Variants in GRM5 observed in about 807,000 individuals in gnomAD.
GRM5 encodes glutamate metabotropic receptor 5, also known as metabotropic glutamate receptor 5.
A neutral mutation model predicts 83.1 loss-of-function variants in GRM5; 19 were observed. That is an observed-to-expected ratio of 0.23 (90% CI 0.16 to 0.34). The LOEUF (loss-of-function observed/expected upper bound fraction) is 0.34. Ranked by LOEUF, GRM5 falls within the 10% of genes least tolerant of loss-of-function variation. GRM5 has a pLI of 1.00. For missense variants in GRM5, 1,160 were observed against 1,588.3 expected (o/e 0.73, Z 4.58); for synonymous variants, 675 against 633.6 (o/e 1.07, Z -0.98).
At chr11:88,690,940 G>A (rs1940766328) in intron 3 of GRM5, among the ~76,000 whole-genome samples, 1 of 152,184 alleles carries the variant, frequency 6.6e-6, no homozygotes, top group African/African-American at 2.4e-5. Context: ...AATAGGTAGA[G>A]TTTGGACAAG....
chr11:88,522,601 C>G lies in GRM5; in HGVS notation c.2726+2708G>C, dbSNP rs202036435. ...TCTCTCTCTCTCGCTCTCTCTCTCT[C>G]TCTGTGTGTGTGTGTGTGTGTGTGT... On this transcript the variant is annotated intron_variant, in intron 9 of 9. Coordinates refer to ENST00000305447, the MANE Select transcript of GRM5 (RefSeq NM_001143831.3). Among the ~76,000 whole-genome samples the G allele has an allele frequency of 1.1e-3, 107 of 93,596 alleles. 1 individual carries two copies. In the East Asian group the frequency reaches 0.029, roughly 25 times the overall value. The allele number at this position is 93,596 out of a possible 152,430, so 61.4% of individuals were successfully genotyped here.
chr11:89,063,333 G>A (rs1267380768), intron 1 of GRM5: 1 of 152,188 alleles, frequency 6.6e-6, no homozygotes, highest in African/African-American at 2.4e-5. Flanking sequence ...AAATGGAACA[G>A]ACTTGAATCT....
intron 3 of GRM5, among the ~76,000 whole-genome samples, chr11:88,791,748 C>T (rs1412300158): frequency 6.6e-6 from 1 of 152,014 alleles, no homozygotes; most frequent in Non-Finnish European, 1.5e-5. Context: ...TAAAAGCATA[C>T]AAGTTTGTGG....
chr11:89,040,485 G>C (rs1565347681), intron 2 of GRM5, among the ~76,000 whole-genome samples: 1 of 152,170 alleles, frequency 6.6e-6, no homozygotes, highest in Non-Finnish European at 1.5e-5. Context: ...CAAGGCAGGT[G>C]GGAGTTTGAG....
chr11:88,939,874 A>C (rs1268831526), intron 2 of GRM5, among the ~76,000 whole-genome samples: 1 of 151,864 alleles, frequency 6.6e-6, no homozygotes, highest in Admixed American at 6.6e-5. Flanking sequence ...AATGGCTAAA[A>C]GTACAGAAGT....
intron 3 of GRM5, among the ~76,000 whole-genome samples, chr11:88,720,796 CTGTGTGTG>C (rs748475378): frequency 7.1e-6 from 1 of 141,778 alleles, no homozygotes; most frequent in African/African-American, 2.6e-5. Flanking sequence ...AATCATTACT[CTGTGTGTG>C]TGTGTGTGTG....
At chr11:88,852,150 A>C (rs540588076) in intron 2 of GRM5, among the ~76,000 whole-genome samples, 1 of 152,168 alleles carries the variant, frequency 6.6e-6, no homozygotes, top group Non-Finnish European at 1.5e-5. Context: ...CAATACATTC[A>C]CTGTTAAACA....
At position 88,567,889 on chromosome 11, in the gene GRM5, A is replaced by G. The variant is rs1591354405; in HGVS notation, c.1794T>C (p.Thr598=). ...CLGLLATLFV[T]VVFIIYRDTP... The stretch of plus-strand genomic sequence containing the variant: ...TATCACGGTAAATGATGAAGACTAC[A>G]GTAACAAACAGGGTGGCCAGGAGGC... The change falls in exon 8 of 10, where the codon ACT becomes ACC. Residue 598 remains threonine, a synonymous_variant. Transcript: ENST00000305447. The surrounding 1 kb of genome is among the most constrained non-coding windows in gnomAD (Gnocchi z 7.3). 8 of 1,613,884 alleles carry G rather than the reference A, an allele frequency of 5.0e-6. No homozygotes were observed. Among genetic ancestry groups the G allele is most frequent in the East Asian group, 2.2e-5 (1 of 44,874 alleles).
In GRM5 at chr11:88,576,657, G is replaced by A. The variant is rs1943117516; in HGVS notation, c.1691-8665C>T. Among the ~76,000 whole-genome samples the A allele has an allele frequency of 1.3e-5, 2 of 152,036 alleles. 1 individual carries two copies. Among genetic ancestry groups the A allele is most frequent in the South Asian group, 4.1e-4 (2 of 4,826 alleles). ...TCTATAATTAGGGTTTTAATCTGGA[G>A]AAACCCTTGCAGAAGAATTCACAGA... is the stretch of plus-strand genomic sequence containing the variant. On this transcript the variant is annotated intron_variant, in intron 7 of 9. Transcript: ENST00000305447.
At chr11:88,953,476 A>T (rs1938522135) in intron 2 of GRM5, among the ~76,000 whole-genome samples, 1 of 152,212 alleles carries the variant, frequency 6.6e-6, no homozygotes, top group Non-Finnish European at 1.5e-5. Context: ...AAGAAGGTAC[A>T]CGAAGCAGAA....
intron 3 of GRM5, among the ~76,000 whole-genome samples, chr11:88,823,647 T>G (rs903267639): frequency 6.6e-6 from 1 of 152,158 alleles, no homozygotes; most frequent in African/African-American, 2.4e-5. Context: ...GCTGGTTTCA[T>G]GGGTCTCAGG....
At chr11:88,854,457 C>T (rs1307323337) in intron 2 of GRM5, among the ~76,000 whole-genome samples, 3 of 151,902 alleles carry the variant, frequency 2.0e-5, no homozygotes, top group East Asian at 3.9e-4. Context: ...ATAATTCAAC[C>T]TCAAATACTG....
At chr11:88,548,673 ATCT>A (rs1176325811) in intron 8 of GRM5, among the ~76,000 whole-genome samples, 2 of 152,180 alleles carry the variant, frequency 1.3e-5, no homozygotes, top group Non-Finnish European at 2.9e-5. Context: ...CCAGATCTAA[ATCT>A]TCTTAGCATT....
rs534790858 is a variant in GRM5, at chr11:88,873,885, G to A, written c.662-23730C>T. Among the ~76,000 whole-genome samples the A allele has an allele frequency of 2.6e-5, 4 of 151,546 alleles. No individual in the cohort carries two copies. In the East Asian group the frequency reaches 7.8e-4, roughly 29 times the overall value. ...AAGATCAGAGCATAAACAGAACATA[G>A]ACTAAAAATAAACATACCACAGAAA... On this transcript the variant is annotated intron_variant, in intron 2 of 9. Coordinates refer to ENST00000305447, the MANE Select transcript of GRM5 (RefSeq NM_001143831.3).
intron 2 of GRM5, among the ~76,000 whole-genome samples, chr11:89,025,923 G>C (rs1001159203): frequency 1.3e-5 from 2 of 152,136 alleles, no homozygotes; most frequent in Non-Finnish European, 2.9e-5. Context: ...CAAAGACATA[G>C]AATCAACTTA....
intron 7 of GRM5, among the ~76,000 whole-genome samples, chr11:88,588,707 C>A (rs1018087265): frequency 6.6e-6 from 1 of 152,100 alleles, no homozygotes; most frequent in South Asian, 2.1e-4. Flanking sequence ...ATTACGACCT[C>A]TCGGATATTT....
At chr11:88,798,825 A>AAAAAAC (rs777932007) in intron 3 of GRM5, among the ~76,000 whole-genome samples, 44 of 145,250 alleles carry the variant, frequency 3.0e-4, no homozygotes, top group African/African-American at 9.9e-4. Flanking sequence ...AAAAAAAAAA[A>AAAAAAC]AACAACAACA....
chr11:88,845,423 C>CTTTTTTTTTTTTTT lies in GRM5; in HGVS notation c.911+4469_911+4482dup, dbSNP rs71046265. 5.5e-4 allele frequency among the ~76,000 whole-genome samples: 51 copies of CTTTTTTTTTTTTTT among 92,438 alleles called. 12 individuals are homozygous for CTTTTTTTTTTTTTT. The highest frequency in any genetic ancestry group is 1.0e-3 in the East Asian group (3 of 2,876). The allele number at this position is 92,438 out of a possible 152,430, so 60.6% of individuals were successfully genotyped here. A position where few individuals can be genotyped will look rare whatever the true frequency, so the allele number is the denominator to read the frequency against. Reference sequence around the variant, plus strand: ...AGGCTACAGTACAGTATAAACATAACTTTTTTTTTTTTTTTTTTTTTTTTT... The same window carrying CTTTTTTTTTTTTTT: ...AGGCTACAGTACAGTATAAACATAACTTTTTTTTTTTTTTTTTTTTTTTTTTTTTTTTTTTTTTT... On this transcript the variant is annotated intron_variant, in intron 3 of 9. Transcript: ENST00000305447.
chr11:88,991,458 A>C (rs1023455647), intron 2 of GRM5, among the ~76,000 whole-genome samples: 2 of 152,044 alleles, frequency 1.3e-5, no homozygotes, highest in South Asian at 2.1e-4. Flanking sequence ...TATAGATTCA[A>C]TGCCATCCCC....
Sources: gnomAD v4.1 joint callset for allele counts (sites outside exome capture counted in the v4.1 genomes callset) on GRCh38, gnomAD v4.1.1 for gene constraint, Gnocchi (gnomAD v3.1) non-coding constraint, MANE v1.5 for transcripts, NCBI Gene and HGNC (gene_info 2026-07-23, HGNC 2026-07-21) for gene names.